CNTN5: variants seen among roughly 807,000 people sequenced by gnomAD.
CNTN5 encodes the protein contactin-5.
CNTN5 carries 77 observed loss-of-function variants against 129.1 expected under a neutral mutation model. The observed-to-expected ratio is 0.60, with a 90% confidence interval of 0.50 to 0.72. The LOEUF is 0.72. Ranked by LOEUF, CNTN5 falls within the 30% of genes least tolerant of loss-of-function variation. The pLI is 0.00. For synonymous variants in CNTN5, 509 were observed against 465.6 expected, an observed-to-expected ratio of 1.09 and a Z score of -1.20; for missense variants, 1,478 against 1,328.8, an observed-to-expected ratio of 1.11 and a Z score of -1.75.
chr11:99,066,556 C>A (rs541632150), intron 1 of CNTN5, among the ~76,000 whole-genome samples: 1 of 152,196 alleles, frequency 6.6e-6, no homozygotes, highest in East Asian at 1.9e-4. Context: ...GTAGCTACAA[C>A]TGTTTTTAAA....
intron 3 of CNTN5, among the ~76,000 whole-genome samples, chr11:99,672,333 A>G (rs568943255): frequency 2.6e-5 from 4 of 151,992 alleles, no homozygotes; most frequent in Non-Finnish European, 5.9e-5. Flanking sequence ...TTTTTTTCTT[A>G]GTAGGCTTGA....
chr11:99,436,639 AC>A (rs1321634597), intron 2 of CNTN5, among the ~76,000 whole-genome samples: 3 of 152,066 alleles, frequency 2.0e-5, no homozygotes, highest in African/African-American at 7.2e-5. Context: ...CTTTACTATC[AC>A]CTCCAGATTA....
At chr11:99,072,281 GA>G (rs933675960) in intron 1 of CNTN5, among the ~76,000 whole-genome samples, 3 of 148,430 alleles carry the variant, frequency 2.0e-5, no homozygotes, top group Non-Finnish European at 4.5e-5. Flanking sequence ...AAGACAAAAA[GA>G]AAAAAAAATA....
chr11:99,975,271 T>C (rs1937869572), intron 8 of CNTN5, among the ~76,000 whole-genome samples: 1 of 152,102 alleles, frequency 6.6e-6, no homozygotes, highest in Admixed American at 6.6e-5. Context: ...ATGGAGTCAT[T>C]GGAGATTATT....
intron 6 of CNTN5, among the ~76,000 whole-genome samples, chr11:99,897,056 A>G (rs999855519): frequency 2.0e-5 from 3 of 152,206 alleles, no homozygotes; most frequent in Non-Finnish European, 4.4e-5. Context: ...CAAGTGGAAG[A>G]AAGAACTTCA....
At chr11:100,207,856 A>C (rs1439836125) in intron 15 of CNTN5, among the ~76,000 whole-genome samples, 1 of 152,202 alleles carries the variant, frequency 6.6e-6, no homozygotes, top group Non-Finnish European at 1.5e-5. Context: ...CAAACATTTC[A>C]ATATCATATG....
At chr11:99,233,162 C>T (rs1055719702) in intron 1 of CNTN5, among the ~76,000 whole-genome samples, 2 of 152,130 alleles carry the variant, frequency 1.3e-5, no homozygotes, top group African/African-American at 4.8e-5. Context: ...AACAAAAGTC[C>T]TTTATAGTGC....
intron 2 of CNTN5, among the ~76,000 whole-genome samples, chr11:99,377,465 T>C (rs1260767105): frequency 6.6e-6 from 1 of 152,114 alleles, no homozygotes; most frequent in African/African-American, 2.4e-5. Context: ...AAATATTGTT[T>C]GTATTGTCCT....
At chr11:99,424,425 C>T (rs1432720402) in intron 2 of CNTN5, among the ~76,000 whole-genome samples, 1 of 152,224 alleles carries the variant, frequency 6.6e-6, no homozygotes. Flanking sequence ...GCCTCAACCT[C>T]ACGCCTGCGA....
chr11:99,090,294 C>A (rs941999707), intron 1 of CNTN5, among the ~76,000 whole-genome samples: 1 of 151,978 alleles, frequency 6.6e-6, no homozygotes, highest in Non-Finnish European at 1.5e-5. Context: ...AGATCAGCAG[C>A]CCCTTGAAGT....
intron 10 of CNTN5, among the ~76,000 whole-genome samples, chr11:100,062,402 A>T (rs1943521169): frequency 6.6e-6 from 1 of 152,226 alleles, no homozygotes; most frequent in Non-Finnish European, 1.5e-5. Context: ...CAACTCCTTT[A>T]GGAATTTAGC....
intron 3 of CNTN5, among the ~76,000 whole-genome samples, chr11:99,764,389 C>T (rs936873080): frequency 1.3e-5 from 2 of 151,766 alleles, no homozygotes; most frequent in African/African-American, 4.8e-5. Flanking sequence ...AGAAGAAACA[C>T]TGGAAATCAA....
At chr11:99,222,620 T>C (rs1270884732) in intron 1 of CNTN5, among the ~76,000 whole-genome samples, 1 of 152,136 alleles carries the variant, frequency 6.6e-6, no homozygotes, top group East Asian at 1.9e-4. Context: ...CATTGCATTT[T>C]TCATACCAAT....
chr11:99,771,701 C>A (rs1323325773), intron 3 of CNTN5, among the ~76,000 whole-genome samples: 1 of 151,872 alleles, frequency 6.6e-6, no homozygotes, highest in African/African-American at 2.4e-5. Flanking sequence ...TAGAAGATGA[C>A]CACATTCTGG....
intron 12 of CNTN5, among the ~76,000 whole-genome samples, chr11:100,072,532 G>T (rs2137878088): frequency 6.6e-6 from 1 of 152,268 alleles, no homozygotes; most frequent in Non-Finnish European, 1.5e-5. Flanking sequence ...ACTGGTTCAG[G>T]GATGTTTGTA....
At chr11:99,327,527 T>C (rs928392059) in intron 2 of CNTN5, among the ~76,000 whole-genome samples, 1 of 152,194 alleles carries the variant, frequency 6.6e-6, no homozygotes, top group Non-Finnish European at 1.5e-5. Flanking sequence ...AAGTGCACTC[T>C]TATTATGCCA....
chr11:100,011,622 C>A (rs1940538282), intron 9 of CNTN5, among the ~76,000 whole-genome samples: 2 of 152,098 alleles, frequency 1.3e-5, no homozygotes, highest in Admixed American at 1.3e-4. Context: ...CATTCAATTT[C>A]CTGCCCTTTT....
intron 3 of CNTN5, among the ~76,000 whole-genome samples, chr11:99,612,341 A>C (rs1303550557): frequency 2.0e-5 from 3 of 152,142 alleles, no homozygotes; most frequent in Non-Finnish European, 2.9e-5. Context: ...AGGCTGTCTC[A>C]CTTATCACCT....
At chr11:100,253,728 C>G (rs117695262) in intron 16 of CNTN5, among the ~76,000 whole-genome samples, 199 of 152,210 alleles carry the variant, frequency 1.3e-3, no homozygotes, top group Middle Eastern at 6.8e-3. Flanking sequence ...TATCCTTAGT[C>G]GCTATTTTAG....
Sources: allele counts gnomAD v4.1 joint callset (sites outside exome capture counted in the v4.1 genomes callset), GRCh38; gene constraint gnomAD v4.1.1; transcripts MANE v1.5; gene names NCBI Gene and HGNC (gene_info 2026-07-23, HGNC 2026-07-21).